The following ACACA variants were observed in gnomAD, a reference collection of about 807,000 sequenced individuals.
ACACA encodes acetyl-CoA carboxylase 1.
A neutral mutation model predicts 296.1 loss-of-function variants in ACACA; 103 were observed. That is an observed-to-expected ratio of 0.35 (90% CI 0.30 to 0.41). The LOEUF is 0.41. Ranked by LOEUF, ACACA falls within the 10% of genes least tolerant of loss-of-function variation. ACACA has a pLI of 1.00. For synonymous variants in ACACA, 953 were observed against 1,038.6 expected, an observed-to-expected ratio of 0.92 and a Z score of 1.58; for missense variants, 1,554 against 2,989.7, an observed-to-expected ratio of 0.52 and a Z score of 11.20.
At chr17:37,381,821 G>GT (rs2050289878) in intron 1 of ACACA, among the ~76,000 whole-genome samples, 7 of 151,052 alleles carry the variant, frequency 4.6e-5, no homozygotes, top group Admixed American at 4.6e-4. Context: ...TAGAGATGGG[G>GT]TTTCACCGTG....
At chr17:37,283,727 G>T (rs190758374) in intron 4 of ACACA, among the ~76,000 whole-genome samples, 17 of 152,276 alleles carry the variant, frequency 1.1e-4, no homozygotes, top group African/African-American at 2.9e-4. Context: ...CATATTGTGG[G>T]TATGGTATAT....
chr17:37,153,773 C>A (rs769778577), intron 43 of ACACA, among the ~76,000 whole-genome samples: 1 of 151,990 alleles, frequency 6.6e-6, no homozygotes, highest in Non-Finnish European at 1.5e-5. Flanking sequence ...GAAAAAATTA[C>A]TGAGACACTA....
intron 33 of ACACA, among the ~76,000 whole-genome samples, chr17:37,200,796 G>A (rs1481185585): frequency 1.3e-5 from 2 of 152,160 alleles, no homozygotes; most frequent in Admixed American, 1.3e-4. Context: ...CACAATTTCT[G>A]CTTATAGAAA....
At chr17:37,225,699 A>G (rs1380263891) in intron 26 of ACACA, 1 of 172,486 alleles carries the variant, frequency 5.8e-6, no homozygotes, top group Non-Finnish European at 1.2e-5. Context: ...GAGAGGTTCA[A>G]TAGCTTTGAG....
At chr17:37,313,087 G>A (rs780295937) in intron 3 of ACACA, among the ~76,000 whole-genome samples, 28 of 152,138 alleles carry the variant, frequency 1.8e-4, no homozygotes, top group Admixed American at 1.1e-3. Context: ...TACTAGGGAG[G>A]AGGTTAGAAT....
chr17:37,314,663 G>C (rs949305727), intron 3 of ACACA, among the ~76,000 whole-genome samples: 1 of 122,348 alleles, frequency 8.2e-6, no homozygotes, highest in Non-Finnish European at 1.6e-5. Flanking sequence ...TTTTTGAGAT[G>C]GTATCTCACT....
chr17:37,204,386 G>T (rs931240065), intron 33 of ACACA, among the ~76,000 whole-genome samples: 1 of 152,092 alleles, frequency 6.6e-6, no homozygotes, highest in African/African-American at 2.4e-5. Context: ...TCTAGTATTT[G>T]CTCTATCATC....
At chr17:37,377,691 A>G (rs756758749) in intron 1 of ACACA, among the ~76,000 whole-genome samples, 16 of 151,006 alleles carry the variant, frequency 1.1e-4, no homozygotes, top group Non-Finnish European at 1.8e-4. Context: ...ATAAATAAAT[A>G]AATAAATAAA....
chr17:37,310,612 G>A (rs2084084324), intron 3 of ACACA, among the ~76,000 whole-genome samples: 1 of 151,712 alleles, frequency 6.6e-6, no homozygotes, highest in Admixed American at 6.6e-5. Context: ...TGGACAACAT[G>A]GTGAAACCCT....
chr17:37,156,854 GA>G (rs1309607133), intron 42 of ACACA, among the ~76,000 whole-genome samples: 1 of 152,182 alleles, frequency 6.6e-6, no homozygotes, highest in Non-Finnish European at 1.5e-5. Context: ...GCACAACACG[GA>G]AAAGACATAA....
intron 9 of ACACA, among the ~76,000 whole-genome samples, chr17:37,272,574 AG>A (rs780209349): frequency 6.6e-6 from 1 of 152,056 alleles, no homozygotes; most frequent in Non-Finnish European, 1.5e-5. Flanking sequence ...TAAAAAAAAA[AG>A]GGGGTATCCC....
chr17:37,265,403 A>G (rs2081715937), intron 10 of ACACA, among the ~76,000 whole-genome samples: 1 of 152,146 alleles, frequency 6.6e-6, no homozygotes, highest in South Asian at 2.1e-4. Flanking sequence ...GTCTCATCCA[A>G]TCATGGCATT....
At chr17:37,320,572 C>T (rs1377237498) in intron 3 of ACACA, among the ~76,000 whole-genome samples, 4 of 151,366 alleles carry the variant, frequency 2.6e-5, no homozygotes, top group African/African-American at 7.3e-5. Context: ...GTTTATAGTA[C>T]GAGCTCTGAC....
chr17:37,336,113 C>G (rs2048105487), intron 2 of ACACA, among the ~76,000 whole-genome samples: 1 of 152,078 alleles, frequency 6.6e-6, no homozygotes, highest in Non-Finnish European at 1.5e-5. Flanking sequence ...AGAATCGAAG[C>G]AGTAAAACTA....
At chr17:37,256,322 A>C (rs1308130057) in intron 14 of ACACA, among the ~76,000 whole-genome samples, 3 of 152,182 alleles carry the variant, frequency 2.0e-5, no homozygotes, top group Non-Finnish European at 4.4e-5. Context: ...ACTTCATACC[A>C]ATGTTTTTTT....
chr17:37,140,266 A>G (rs2075510740), intron 45 of ACACA, among the ~76,000 whole-genome samples: 3 of 152,202 alleles, frequency 2.0e-5, no homozygotes, highest in Admixed American at 1.3e-4. Context: ...CTTTTCTGTA[A>G]TCTGGATAAG....
At chr17:37,204,228 C>T (rs930806283) in intron 33 of ACACA, among the ~76,000 whole-genome samples, 1 of 152,182 alleles carries the variant, frequency 6.6e-6, no homozygotes, top group African/African-American at 2.4e-5. Flanking sequence ...TATCACATAT[C>T]ATAATGAAAT....
At chr17:37,098,663 A>G (rs909243746) in intron 52 of ACACA, among the ~76,000 whole-genome samples, 2 of 152,220 alleles carry the variant, frequency 1.3e-5, no homozygotes, top group Non-Finnish European at 2.9e-5. Context: ...CTGGGCTGCT[A>G]CTGCCAGAGC....
chr17:37,379,090 A>G (rs2050131369), intron 1 of ACACA: 1 of 1,569,858 alleles, frequency 6.4e-7, no homozygotes, highest in Non-Finnish European at 8.6e-7. Context: ...CAACCAAACA[A>G]AAAACAAAAC....
Sources: gnomAD v4.1 joint callset for allele counts (sites outside exome capture counted in the v4.1 genomes callset) on GRCh38, gnomAD v4.1.1 for gene constraint, MANE v1.5 for transcripts, NCBI Gene and HGNC (gene_info 2026-07-23, HGNC 2026-07-21) for gene names.